ALDH8A1: variants seen among roughly 807,000 people sequenced by gnomAD.
ALDH8A1 encodes aldehyde dehydrogenase 8 family member A1.
A neutral mutation model predicts 43.3 loss-of-function variants in ALDH8A1; 39 were observed. The observed-to-expected ratio is 0.90, with a 90% CI of 0.70 to 1.18. ALDH8A1 has a LOEUF of 1.18. Ranked by LOEUF, ALDH8A1 falls within the 50% of genes most tolerant of loss-of-function variation. ALDH8A1 has a pLI of 0.00. For missense variants in ALDH8A1, 605 were observed against 622.6 expected (o/e 0.97, Z 0.30); for synonymous variants, 233 against 243.5 (o/e 0.96, Z 0.40).
In ALDH8A1 at chr6:134,949,930, T is replaced by C. The variant is rs148294248; in HGVS notation, c.124A>G (p.Ser42Gly). ...CATATACTCACCTCGTCTTTTCCAC[T>C]ATTTGGCACTCTGCAATACACTTCC... ...TGEVYCRVPN[S>G]GKDEIEAAVK... The change falls in exon 1 of 7, where the codon AGT (serine) becomes GGT (glycine). Residue 42 changes from serine to glycine, a missense_variant. Coordinates refer to ENST00000265605, the MANE Select transcript of ALDH8A1 (RefSeq NM_022568.4). The C allele has an allele frequency of 2.5e-6, 4 of 1,594,488 alleles. No individual in the cohort carries two copies. Among genetic ancestry groups the C allele is most frequent in the East Asian group, 2.3e-5 (1 of 44,258 alleles).
rs907192117 is a variant in ALDH8A1 at position 134,917,950 on chromosome 6, A to C, written c.*465T>G. On this transcript the variant is annotated 3_prime_UTR_variant, in exon 7 of 7. Transcript: ENST00000265605. ...GCTAATTTTTAAACTTTTGGTAAAG[A>C]CAGGATTTCACCATGTTGCCTAGGC... 1 of 161,402 alleles carries C rather than the reference A, an allele frequency of 6.2e-6. No individual in the cohort carries two copies. Among genetic ancestry groups the C allele is most frequent in the African/African-American group, 2.4e-5 (1 of 41,496 alleles). 10.0% of individuals were successfully genotyped at this position (161,402 alleles called of 1,614,324 possible). A position where few individuals can be genotyped will look rare whatever the true frequency, so the allele number is the denominator to read the frequency against.
rs1254993662 is a variant in ALDH8A1, at chr6:134,918,228, C to G, written c.*187G>C. The G allele has an allele frequency of 5.1e-6, 3 of 593,482 alleles. No homozygotes were observed. Among genetic ancestry groups the G allele is most frequent in the Non-Finnish European group, 8.8e-6 (3 of 342,150 alleles). 36.8% of individuals were successfully genotyped at this position (593,482 alleles called of 1,614,324 possible). A position where few individuals can be genotyped will look rare whatever the true frequency, so the allele number is the denominator to read the frequency against. ...ACTTATAAGTCTTTTTTTCCGAGTC[C>G]ACATTGAAAATAGACAGTATCTCTT... On this transcript the variant is annotated 3_prime_UTR_variant, in exon 7 of 7. Coordinates refer to ENST00000265605, the MANE Select transcript of ALDH8A1 (RefSeq NM_022568.4).
intron 6 of ALDH8A1, among the ~76,000 whole-genome samples, chr6:134,922,944 C>A (rs1375532980): frequency 6.6e-6 from 1 of 152,120 alleles, no homozygotes; most frequent in African/African-American, 2.4e-5. Flanking sequence ...ATGCCAACAA[C>A]AGGAAAAACT....
intron 3 of ALDH8A1, among the ~76,000 whole-genome samples, chr6:134,939,640 T>G (rs1773816779): frequency 6.6e-6 from 1 of 152,224 alleles, no homozygotes. Context: ...CAATATGATT[T>G]CCCCATTTCT....
chr6:134,939,130 G>T, intron 4 of ALDH8A1, 136 bp downstream of exon 4: 1 of 1,355,986 alleles, frequency 7.4e-7, no homozygotes, highest in Non-Finnish European at 1.0e-6. Context: ...GGGTGGAGGG[G>T]ATTTCCCAGA....
chr6:134,920,770 T>C (rs372105001), intron 6 of ALDH8A1, among the ~76,000 whole-genome samples: 7 of 152,286 alleles, frequency 4.6e-5, no homozygotes, highest in African/African-American at 1.7e-4. Context: ...CCATGACTAG[T>C]AATATGCTAT....
chr6:134,939,506 T>C, intron 3 of ALDH8A1, 91 bp from the exon 4 acceptor site: 1 of 1,447,412 alleles, frequency 6.9e-7, no homozygotes, highest in Non-Finnish European at 9.3e-7. Flanking sequence ...AACTCCTTCA[T>C]GCTGCAGAAA....
chr6:134,918,938 T>A, intron 6 of ALDH8A1, 71 bp from the exon 7 acceptor site: 1 of 1,484,620 alleles, frequency 6.7e-7, no homozygotes, highest in Non-Finnish European at 9.3e-7. Context: ...GAAAATTCAA[T>A]GTTTTCTAAT....
rs1254955191 is a variant in ALDH8A1, at chr6:134,926,068, C to T, written c.1011+2986G>A. ...GTTATTCTAAAGACTTAGGCATGGA[C>T]TGTGAGTAACATGGGGTATGACCAT... is the stretch of plus-strand genomic sequence containing the variant. On this transcript the variant is annotated intron_variant, in intron 6 of 6. Transcript: ENST00000265605. 3.3e-5 allele frequency among the ~76,000 whole-genome samples: 5 copies of T among 152,124 alleles called. No homozygotes were observed. In the East Asian group the frequency reaches 9.6e-4, roughly 29 times the overall value.
In ALDH8A1 at chr6:134,918,803, T is replaced by C. The variant is rs149883779; in HGVS notation, c.1076A>G (p.Asp359Gly). ...GTTCCTGGCAGGGAGGCTCAACTTA[T>C]CCACTCCCTCACCGCACCAAATTTG... ...GAQIWCGEGV[D>G]KLSLPARNQA... The change falls in exon 7 of 7, where the codon GAT (aspartate) becomes GGT (glycine). Residue 359 changes from aspartate to glycine, a missense_variant. Physicochemically the swap from Asp to Gly is moderately conservative, Grantham distance 94. Transcript: ENST00000265605. 2.0e-3 allele frequency: 3,309 copies of C among 1,614,228 alleles called. 13 individuals are homozygous for C. Among genetic ancestry groups the C allele is most frequent in the Non-Finnish European group, 2.5e-3 (2,914 of 1,180,036 alleles).
chr6:134,933,046 A>T lies in ALDH8A1; in HGVS notation c.593-14T>A. The T allele has an allele frequency of 6.5e-7, 1 of 1,535,814 alleles. No individual in the cohort carries two copies. The highest frequency in any genetic ancestry group is 8.7e-7 in the Non-Finnish European group (1 of 1,147,058). On this transcript the variant is annotated splice_polypyrimidine_tract_variant and intron_variant, in intron 4 of 6. Coordinates refer to ENST00000265605, the MANE Select transcript of ALDH8A1 (RefSeq NM_022568.4). ...CTGGTGGAACACCTGGATAGGAAAC[A>T]GTATCAGTTATAGTAATTCTCAGTA...
intron 1 of ALDH8A1, among the ~76,000 whole-genome samples, chr6:134,947,610 G>T (rs1242486984): frequency 6.6e-6 from 1 of 151,904 alleles, no homozygotes; most frequent in Admixed American, 6.6e-5. Flanking sequence ...TCCACAAAAA[G>T]AAGATGTACA....
chr6:134,942,665 G>T, intron 2 of ALDH8A1, 101 bp from the exon 3 acceptor site: 2 of 1,253,350 alleles, frequency 1.6e-6, no homozygotes, highest in Non-Finnish European at 1.1e-6. Context: ...AAACAGCCTG[G>T]ATTCCTTCTA....
At chr6:134,942,264 T>C in intron 3 of ALDH8A1, 145 bp downstream of exon 3, 1 of 1,024,426 alleles carries the variant, frequency 9.8e-7, no homozygotes, top group South Asian at 2.3e-5. Context: ...AAACTAGAAA[T>C]AGATCTTTGA....
intron 5 of ALDH8A1, among the ~76,000 whole-genome samples, chr6:134,932,009 G>T (rs1562254707): frequency 6.6e-6 from 1 of 152,090 alleles, no homozygotes; most frequent in Non-Finnish European, 1.5e-5. Flanking sequence ...TAAGTCTTTG[G>T]CCTATGTTTT....
chr6:134,926,578 G>T (rs1583024308), intron 6 of ALDH8A1, among the ~76,000 whole-genome samples: 1 of 152,218 alleles, frequency 6.6e-6, no homozygotes, highest in African/African-American at 2.4e-5. Flanking sequence ...GGAGGCCAAG[G>T]TGGGTGGATC....
Position 134,950,002 on chromosome 6 carries a change from A to C in ALDH8A1, c.52T>G (p.Phe18Val), listed in dbSNP as rs1774017923. 1 of 1,612,834 alleles carries C rather than the reference A, an allele frequency of 6.2e-7. No individual in the cohort carries two copies. The highest frequency in any genetic ancestry group is 1.7e-5 in the Admixed American group (1 of 59,856). The change falls in exon 1 of 7, where the codon TTT becomes GTT. Residue 18 changes from phenylalanine to valine, a missense_variant. By Grantham distance (50) the Phe-to-Val change is conservative. Coordinates refer to ENST00000265605, the MANE Select transcript of ALDH8A1 (RefSeq NM_022568.4). The part of the protein sequence containing the change: ...LMLENFIDGK[F>V]LPCSSYIDSY... ...TCTATATATGAGCTACAAGGTAAAA[A>C]TTTTCCATCTATGAAGTTTTCCAGC...
In ALDH8A1 at chr6:134,920,805, G is replaced by A. The variant is rs140464057; in HGVS notation, c.1012-1938C>T. 5.4e-3 allele frequency among the ~76,000 whole-genome samples: 828 copies of A among 152,248 alleles called. 10 individuals carry two copies. The highest frequency in any genetic ancestry group is 4.9e-3 in the Non-Finnish European group (334 of 68,022). The stretch of plus-strand genomic sequence containing the variant: ...TAAATACAAGAAATTATTATAAAAT[G>A]TTTTCTTCAGGAGAGAGAATAGTTA... On this transcript the variant is annotated intron_variant, in intron 6 of 6. Coordinates refer to ENST00000265605, the MANE Select transcript of ALDH8A1 (RefSeq NM_022568.4).
In ALDH8A1 at chr6:134,949,939, C is replaced by T. The variant is rs1263546876; in HGVS notation, c.115G>A (p.Val39Met). The T allele has an allele frequency of 6.2e-7, 1 of 1,603,600 alleles. No homozygotes were observed. The highest frequency in any genetic ancestry group is 1.1e-5 in the South Asian group (1 of 88,116). Residue 39 changes from valine (V) to methionine (M), a missense_variant, in exon 1 of 7, where the codon GTG becomes ATG. Transcript: ENST00000265605. ...DPSTGEVYCR[V>M]PNSGKDEIEA... is the part of the protein sequence containing the mutation. ...ACCTCGTCTTTTCCACTATTTGGCACTCTGCAATACACTTCCCCTGTTGAT... is the reference window on the plus strand; with the variant it reads ...ACCTCGTCTTTTCCACTATTTGGCATTCTGCAATACACTTCCCCTGTTGAT...
Sources: allele counts gnomAD v4.1 joint callset (sites outside exome capture counted in the v4.1 genomes callset), GRCh38; gene constraint gnomAD v4.1.1; transcripts MANE v1.5; gene names NCBI Gene and HGNC (gene_info 2026-07-23, HGNC 2026-07-21).